PTPRT: variants seen among roughly 807,000 people sequenced by gnomAD.
PTPRT encodes the protein protein tyrosine phosphatase receptor type T, also known as receptor-type tyrosine-protein phosphatase T.
In PTPRT, 56 loss-of-function variants were observed where a neutral mutation model predicts 176.8. The ratio of observed to expected loss-of-function variants is 0.32; its 90% CI spans 0.26 to 0.40. The LOEUF (loss-of-function observed/expected upper bound fraction) is 0.40. Ranked by LOEUF, PTPRT falls within the 10% of genes least tolerant of loss-of-function variation. The pLI, the probability that PTPRT is intolerant of heterozygous loss-of-function variation, is 1.00. For synonymous variants in PTPRT, 783 were observed against 739.0 expected (o/e 1.06, Z -0.96); for missense variants, 1,540 against 1,908.2 (o/e 0.81, Z 3.60).
At chr20:43,110,909 A>T (rs1038294955) in intron 1 of PTPRT, among the ~76,000 whole-genome samples, 6 of 152,168 alleles carry the variant, frequency 3.9e-5, no homozygotes, top group Non-Finnish European at 1.5e-5. Context: ...CCAGGGACTC[A>T]AGTACCATCT....
At chr20:42,349,259 C>T (rs945250664) in intron 11 of PTPRT, among the ~76,000 whole-genome samples, 1 of 152,302 alleles carries the variant, frequency 6.6e-6, no homozygotes, top group African/African-American at 2.4e-5. Context: ...CATTCTCATC[C>T]CAGCACTCCC....
At chr20:43,061,141 T>G (rs537313840) in intron 1 of PTPRT, among the ~76,000 whole-genome samples, 1 of 151,778 alleles carries the variant, frequency 6.6e-6, no homozygotes, top group East Asian at 1.9e-4. Context: ...GGGTACCTAC[T>G]TCAGCATGAG....
intron 6 of PTPRT, among the ~76,000 whole-genome samples, chr20:42,692,740 G>T (rs187780366): frequency 2.6e-4 from 40 of 152,294 alleles, no homozygotes; most frequent in Admixed American, 2.1e-3. Flanking sequence ...ATAATTGTGT[G>T]TGTAGAAAAT....
chr20:42,392,685 G>A lies in PTPRT; in HGVS notation c.1561-40400C>T, dbSNP rs544584047. Among the ~76,000 whole-genome samples, 44 of 152,224 alleles carry A rather than the reference G, an allele frequency of 2.9e-4. 2 individuals are homozygous for A. In the South Asian group the frequency reaches 7.3e-3, roughly 25 times the overall value. ...GTATAAGGATTGGAAAAGCCTGCCCGGGCCCTGAAAACTCAGAGGGAGTAT... is the reference window on the plus strand; with the variant it reads ...GTATAAGGATTGGAAAAGCCTGCCCAGGCCCTGAAAACTCAGAGGGAGTAT... On this transcript the variant is annotated intron_variant, in intron 9 of 30. Coordinates refer to ENST00000373187, the MANE Select transcript of PTPRT (RefSeq NM_007050.6).
chr20:42,207,064 G>C (rs547465191), intron 15 of PTPRT, among the ~76,000 whole-genome samples: 16 of 152,134 alleles, frequency 1.1e-4, no homozygotes, highest in East Asian at 3.9e-4. Flanking sequence ...TATTCCAACA[G>C]ACCTGCAGCT....
intron 1 of PTPRT, among the ~76,000 whole-genome samples, chr20:43,129,379 G>T (rs1572926): frequency 6.6e-6 from 1 of 152,048 alleles, no homozygotes; most frequent in Admixed American, 6.5e-5. Context: ...TTAGCTACCA[G>T]GGGCTGCATC....
intron 6 of PTPRT, among the ~76,000 whole-genome samples, chr20:42,756,166 T>A (rs2076829239): frequency 1.3e-5 from 2 of 152,214 alleles, no homozygotes; most frequent in South Asian, 4.1e-4. Context: ...CATTCTAACT[T>A]TAAATACAAA....
chr20:42,995,906 C>T (rs1024202758), intron 1 of PTPRT, among the ~76,000 whole-genome samples: 1 of 152,010 alleles, frequency 6.6e-6, no homozygotes, highest in Non-Finnish European at 1.5e-5. Context: ...AGCCTCGACT[C>T]CTGGGCTCAA....
chr20:42,551,305 C>T (rs1014725218), intron 7 of PTPRT, among the ~76,000 whole-genome samples: 1 of 152,080 alleles, frequency 6.6e-6, no homozygotes, highest in African/African-American at 2.4e-5. Context: ...TACACTTCCC[C>T]GTGGGCTCAT....
intron 1 of PTPRT, among the ~76,000 whole-genome samples, chr20:43,137,573 A>G (rs927607881): frequency 1.4e-4 from 21 of 152,210 alleles, no homozygotes; most frequent in African/African-American, 4.8e-4. Flanking sequence ...TGGAAAACCA[A>G]CTGAGCCTCT....
chr20:43,044,765 T>C (rs1600670735), intron 1 of PTPRT, among the ~76,000 whole-genome samples: 1 of 152,218 alleles, frequency 6.6e-6, no homozygotes, highest in Non-Finnish European at 1.5e-5. Context: ...ACAGCCAGTG[T>C]AGTGCACGGT....
chr20:42,606,276 A>C (rs2073875811), intron 7 of PTPRT, among the ~76,000 whole-genome samples: 1 of 152,134 alleles, frequency 6.6e-6, no homozygotes. Flanking sequence ...ACACACACAC[A>C]GGCACCTACC....
chr20:42,443,937 A>G (rs2059340810), intron 9 of PTPRT, among the ~76,000 whole-genome samples: 1 of 152,212 alleles, frequency 6.6e-6, no homozygotes, highest in Non-Finnish European at 1.5e-5. Context: ...TGTTTCCAGG[A>G]TGCTTGTGTG....
At chr20:43,177,852 G>T (rs1180822464) in intron 1 of PTPRT, among the ~76,000 whole-genome samples, 1 of 152,154 alleles carries the variant, frequency 6.6e-6, no homozygotes, top group African/African-American at 2.4e-5. Flanking sequence ...ACTTTCTAAA[G>T]GCAGCAGTAA....
intron 13 of PTPRT, among the ~76,000 whole-genome samples, chr20:42,276,558 T>TATATATATATATATA (rs1568731969): frequency 1.1e-5 from 1 of 91,280 alleles, no homozygotes; most frequent in Non-Finnish European, 2.3e-5. Context: ...TATATATATA[T>TATATATATATATATA]AATGTTCTTG....
rs1000196405 is a variant in PTPRT, at chr20:42,340,701, G to A, written c.1865+9927C>T. ...GGCTATAGAAATGCACTTGATGGAA[G>A]CAGACTTGAAAGTCTGACCTTTGGG... On this transcript the variant is annotated intron_variant, in intron 11 of 30. Coordinates refer to ENST00000373187, the MANE Select transcript of PTPRT (RefSeq NM_007050.6). 3.9e-5 allele frequency among the ~76,000 whole-genome samples: 6 copies of A among 152,208 alleles called. No individual in the cohort carries two copies. The South Asian group carries it at 1.2e-3, about 31-fold the overall frequency.
intron 13 of PTPRT, among the ~76,000 whole-genome samples, chr20:42,278,951 G>T (rs1401508002): frequency 6.6e-6 from 1 of 152,028 alleles, no homozygotes; most frequent in African/African-American, 2.4e-5. Flanking sequence ...ATCTTCCAAA[G>T]GTATGGTTCT....
At chr20:42,670,779 T>C (rs1421946870) in intron 7 of PTPRT, among the ~76,000 whole-genome samples, 5 of 152,166 alleles carry the variant, frequency 3.3e-5, no homozygotes, top group Admixed American at 6.5e-5. Context: ...TGCTGGATTG[T>C]TGATTTGTGA....
rs572195097 is a variant in PTPRT, at chr20:42,669,004, C to T, written c.1153+8862G>A. On this transcript the variant is annotated intron_variant, in intron 7 of 30. Coordinates refer to ENST00000373187, the MANE Select transcript of PTPRT (RefSeq NM_007050.6). The stretch of plus-strand genomic sequence containing the variant: ...GGATTACAGGCGTGAGTCACCACGC[C>T]GTGCCCAGATAATTCTTATGGCGTC... Among the ~76,000 whole-genome samples, 245 of 151,922 alleles carry T rather than the reference C, an allele frequency of 1.6e-3. 3 individuals carry two copies. The highest frequency in any genetic ancestry group is 1.3e-3 in the Non-Finnish European group (87 of 67,956).
Sources: gnomAD v4.1 joint callset for allele counts (sites outside exome capture counted in the v4.1 genomes callset) on GRCh38, gnomAD v4.1.1 for gene constraint, MANE v1.5 for transcripts, NCBI Gene and HGNC (gene_info 2026-07-23, HGNC 2026-07-21) for gene names.